The following CNDP1 variants were observed in gnomAD, a reference collection of about 807,000 sequenced individuals.
The protein encoded by CNDP1 is beta-Ala-His dipeptidase.
CNDP1 carries 44 observed loss-of-function variants against 58.1 expected under a neutral mutation model. The ratio of observed to expected loss-of-function variants is 0.76; its 90% confidence interval spans 0.60 to 0.97. The LOEUF is 0.97. CNDP1 is among the 50% of genes least tolerant of loss of function. The pLI is 0.00. For synonymous variants in CNDP1, 254 were observed against 252.6 expected (o/e 1.01, Z -0.05); for missense variants, 616 against 655.1 (o/e 0.94, Z 0.65).
chr18:74,538,297 T>C (rs1023193198), intron 1 of CNDP1, among the ~76,000 whole-genome samples: 1 of 152,230 alleles, frequency 6.6e-6, no homozygotes, highest in African/African-American at 2.4e-5. Context: ...TGCAGCCTCT[T>C]GTGACTGGCT....
rs538841011 is a variant in CNDP1 at position 74,559,479 on chromosome 18, T to C, written c.303+7T>C. 9 of 1,598,080 alleles carry C rather than the reference T, an allele frequency of 5.6e-6. No homozygotes were observed. In the African/African-American group the frequency reaches 1.1e-4, roughly 19 times the overall value. On this transcript the variant is annotated splice_region_variant and intron_variant, in intron 3 of 11. Transcript: ENST00000358821. ...GGACATGGGTCCTCAGCAGGTGCTG[T>C]ACGATTCCCTCCCACTGAGGGAGGT...
rs1981712379 is a variant in CNDP1 at position 74,579,175 on chromosome 18, TC to T, written c.1167+851del. 2.1e-5 allele frequency among the ~76,000 whole-genome samples: 3 copies of T among 140,076 alleles called. No homozygotes were observed. In the South Asian group the frequency reaches 7.6e-4, roughly 35 times the overall value. The allele number at this position is 140,076 out of a possible 152,430, so 91.9% of individuals were successfully genotyped here. ...CCCTCTCTCCTCCCTCTCTCCCTTC[TC>T]CCTTCTCCCTTTCCTTCCCTTCCCT... On this transcript the variant is annotated intron_variant, in intron 9 of 11. Coordinates refer to ENST00000358821, the MANE Select transcript of CNDP1 (RefSeq NM_032649.6).
rs1313182132 is a variant in CNDP1, at chr18:74,534,569, A to G, written c.-99A>G. ...GGACAACGTGGGTCAGGGCACAGAGAGATATTTAATGTCACCCTCTTGGGG... is the reference window on the plus strand; with the variant it reads ...GGACAACGTGGGTCAGGGCACAGAGGGATATTTAATGTCACCCTCTTGGGG... On this transcript the variant is annotated 5_prime_UTR_variant, in exon 1 of 12. Coordinates refer to ENST00000358821, the MANE Select transcript of CNDP1 (RefSeq NM_032649.6). The G allele has an allele frequency of 4.4e-5, 56 of 1,261,708 alleles. No individual in the cohort carries two copies. Among genetic ancestry groups the G allele is most frequent in the Non-Finnish European group, 6.2e-5 (54 of 865,594 alleles). 78.2% of individuals were successfully genotyped at this position (1,261,708 alleles called of 1,614,324 possible). A position where few individuals can be genotyped will look rare whatever the true frequency, so the allele number is the denominator to read the frequency against.
intron 1 of CNDP1, among the ~76,000 whole-genome samples, chr18:74,551,493 A>G (rs918060153): frequency 6.6e-6 from 1 of 152,118 alleles, no homozygotes; most frequent in Non-Finnish European, 1.5e-5. Flanking sequence ...GTCAATGTCC[A>G]TGAACCTGGA....
intron 7 of CNDP1, among the ~76,000 whole-genome samples, chr18:74,574,560 T>C (rs542647125): frequency 6.6e-6 from 1 of 152,320 alleles, no homozygotes; most frequent in East Asian, 1.9e-4. Context: ...GTGGGCAGTT[T>C]TCAAAGGCAC....
chr18:74,570,294 G>C (rs902741565), intron 6 of CNDP1, among the ~76,000 whole-genome samples: 26 of 151,934 alleles, frequency 1.7e-4, no homozygotes, highest in African/African-American at 6.3e-4. Flanking sequence ...AACCAGTCCA[G>C]GGAGAGTGAC....
At chr18:74,577,601 G>C (rs978874821) in intron 8 of CNDP1, 1 of 152,624 alleles carries the variant, frequency 6.6e-6, no homozygotes, top group African/African-American at 2.4e-5. Context: ...GCTGGTTCCT[G>C]GGGAAGGGGC....
rs535758428 is a variant in CNDP1, at chr18:74,545,733, T to C, written c.25-10605T>C. On this transcript the variant is annotated intron_variant, in intron 1 of 11. Transcript: ENST00000358821. This position sits in a 1 kb window ranked among gnomAD's most constrained non-coding sequence, Gnocchi z 4.1. Reference sequence around the variant, plus strand: ...CCCCCTGAGATTGTACAGTCTCCCCTGCAGGTATTCTGTAAATATCCTATC... The same window carrying C: ...CCCCCTGAGATTGTACAGTCTCCCCCGCAGGTATTCTGTAAATATCCTATC... Among the ~76,000 whole-genome samples the C allele has an allele frequency of 5.1e-4, 77 of 152,290 alleles. No homozygotes were observed. Among genetic ancestry groups the C allele is most frequent in the African/African-American group, 1.9e-3 (77 of 41,552 alleles).
chr18:74,550,166 A>G (rs1316413302), intron 1 of CNDP1, among the ~76,000 whole-genome samples: 1 of 152,346 alleles, frequency 6.6e-6, no homozygotes, highest in South Asian at 2.1e-4. Context: ...ATCATTCTCC[A>G]GACCCCAGAA....
In CNDP1 at chr18:74,578,287, G is replaced by A. The variant is rs367622707; in HGVS notation, c.1127G>A (p.Arg376His). 1.1e-5 allele frequency: 18 copies of A among 1,613,242 alleles called. No homozygotes were observed. Among genetic ancestry groups the A allele is most frequent in the African/African-American group, 4.0e-5 (3 of 74,852 alleles). Residue 376 changes from arginine to histidine, a missense_variant, in exon 9 of 12, where the codon CGT becomes CAT. By Grantham distance (29) the Arg-to-His change is conservative. Transcript: ENST00000358821. The part of the protein sequence containing the change: ...PGRVIGKFSI[R>H]LVPHMNVSAV... ...CGAGTTATAGGAAAATTTTCAATCC[G>A]TCTAGTCCCTCACATGAATGTGTCT...
In CNDP1 at chr18:74,536,577, A is replaced by G. The variant is rs141479284; in HGVS notation, c.24+1886A>G. On this transcript the variant is annotated intron_variant, in intron 1 of 11. Transcript: ENST00000358821. Reference sequence around the variant, plus strand: ...TTTAGGTTGATTCCATGTCTTTGCTATTGTGAATAGTGCTGCAGTTAACAT... The same window carrying G: ...TTTAGGTTGATTCCATGTCTTTGCTGTTGTGAATAGTGCTGCAGTTAACAT... Among the ~76,000 whole-genome samples the G allele has an allele frequency of 5.3e-5, 8 of 152,336 alleles. No homozygotes were observed. In the East Asian group the frequency reaches 1.5e-3, roughly 29 times the overall value.
intron 7 of CNDP1, among the ~76,000 whole-genome samples, chr18:74,573,440 CTATG>C (rs911035925): frequency 1.3e-5 from 2 of 150,684 alleles, no homozygotes; most frequent in African/African-American, 4.9e-5. Flanking sequence ...AACTATCTAT[CTATG>C]TATCTATGTA....
rs1249627465 is a variant in CNDP1 at position 74,568,773 on chromosome 18, A to C, written c.756+1340A>C. On this transcript the variant is annotated intron_variant, in intron 6 of 11. Coordinates refer to ENST00000358821, the MANE Select transcript of CNDP1 (RefSeq NM_032649.6). ...GTGGTCACTTTGGGACAGGGGGAAGAGAAGGGATGGGAGGATGAAGAAGGG... is the reference window on the plus strand; with the variant it reads ...GTGGTCACTTTGGGACAGGGGGAAGCGAAGGGATGGGAGGATGAAGAAGGG... Among the ~76,000 whole-genome samples the C allele has an allele frequency of 3.9e-5, 6 of 152,064 alleles. No individual in the cohort carries two copies. The East Asian group carries it at 1.2e-3, about 29-fold the overall frequency.
At chr18:74,573,202 C>T (rs1479463332) in intron 7 of CNDP1, among the ~76,000 whole-genome samples, 1 of 150,726 alleles carries the variant, frequency 6.6e-6, no homozygotes, top group Admixed American at 6.6e-5. Context: ...TCTATCTATC[C>T]ATCTACCTAT....
In CNDP1 at chr18:74,567,126, C is replaced by G. The variant is rs1981348846; in HGVS notation, c.556-107C>G. On this transcript the variant is annotated intron_variant, in intron 5 of 11. Coordinates refer to ENST00000358821, the MANE Select transcript of CNDP1 (RefSeq NM_032649.6). Reference sequence around the variant, plus strand: ...AATTACCTCCCCCTGGGTCCCTCCACAACACGTGGGAATTCTGGGAGATAC... The same window carrying G: ...AATTACCTCCCCCTGGGTCCCTCCAGAACACGTGGGAATTCTGGGAGATAC... The G allele has an allele frequency of 3.4e-6, 3 of 892,620 alleles. No individual in the cohort carries two copies. The South Asian group carries it at 4.3e-5, about 13-fold the overall frequency. The allele number at this position is 892,620 out of a possible 1,614,324, so 55.3% of individuals were successfully genotyped here.
At chr18:74,540,371 G>C (rs1980588159) in intron 1 of CNDP1, among the ~76,000 whole-genome samples, 1 of 152,072 alleles carries the variant, frequency 6.6e-6, no homozygotes. Flanking sequence ...TGTTGGCCAG[G>C]CTGGTCTCAA....
At chr18:74,544,524 C>T (rs1980707259) in intron 1 of CNDP1, among the ~76,000 whole-genome samples, 1 of 151,936 alleles carries the variant, frequency 6.6e-6, no homozygotes, top group African/African-American at 2.4e-5. Context: ...CGAGACCAGC[C>T]AGGCCAACAT....
chr18:74,556,409 G>A lies in CNDP1; in HGVS notation c.96G>A (p.Pro32=), dbSNP rs11538624. The A allele has an allele frequency of 2.7e-5, 43 of 1,614,040 alleles. No individual in the cohort carries two copies. In the Admixed American group the frequency reaches 3.0e-4, roughly 11 times the overall value. The part of the protein sequence containing the change: ...RGMFSSPSPP[P]ALLEKVFQYI... ...TGTTCTCCTCACCCTCCCCGCCCCC[G>A]GCGCTGTTAGAGAAAGTCTTCCAGT... The change falls in exon 2 of 12, where the codon CCG becomes CCA. Residue 32 remains proline (P), a synonymous_variant. Transcript: ENST00000358821.
intron 1 of CNDP1, among the ~76,000 whole-genome samples, chr18:74,547,299 C>T (rs957576644): frequency 4.6e-5 from 7 of 152,270 alleles, no homozygotes; most frequent in Non-Finnish European, 7.4e-5. Flanking sequence ...ATAGAATTCT[C>T]GGCTTCCAGG....
Sources: allele counts gnomAD v4.1 joint callset (sites outside exome capture counted in the v4.1 genomes callset), GRCh38; gene constraint gnomAD v4.1.1; non-coding constraint Gnocchi (gnomAD v3.1); transcripts MANE v1.5; gene names NCBI Gene and HGNC (gene_info 2026-07-23, HGNC 2026-07-21).